The following TUBA1C variants were observed in gnomAD, a reference collection of about 807,000 sequenced individuals.
The protein encoded by TUBA1C is tubulin alpha 1c.
Under a neutral mutation model 34.9 loss-of-function variants are expected in TUBA1C, and 16 were observed. That is an observed-to-expected ratio of 0.46 (90% CI 0.31 to 0.70). The LOEUF (loss-of-function observed/expected upper bound fraction) is 0.70. Among genes scored for constraint, TUBA1C ranks in the 30% least tolerant of loss-of-function variants. The pLI is 0.05. For missense variants in TUBA1C, 329 were observed against 587.3 expected (o/e 0.56, Z 4.55); for synonymous variants, 177 against 215.9 (o/e 0.82, Z 1.58).
chr12:49,244,221 G>T (rs1319633324), intron 1 of TUBA1C, among the ~76,000 whole-genome samples: 1 of 151,422 alleles, frequency 6.6e-6, no homozygotes, highest in East Asian at 1.9e-4. Flanking sequence ...TGAATTTTCA[G>T]CAAGGCCCTA....
chr12:49,270,246 C>G, intron 3 of TUBA1C: 1 of 593,140 alleles, frequency 1.7e-6, no homozygotes, highest in South Asian at 1.9e-5. Context: ...GAGTAGGTAG[C>G]TGACTTCTAC....
At chr12:49,230,512 A>T (rs1253742190) in intron 1 of TUBA1C, among the ~76,000 whole-genome samples, 1 of 152,148 alleles carries the variant, frequency 6.6e-6, no homozygotes, top group African/African-American at 2.4e-5. Flanking sequence ...TATTCCTTAT[A>T]TATGAGATAA....
In TUBA1C at chr12:49,269,475, T is replaced by C. The variant is rs1565650058; in HGVS notation, c.14T>C (p.Ile5Thr). MRECISIHVGQAGVQ... is the reference protein window; with the variant it reads MRECTSIHVGQAGVQ... ...TTCTTCCTCCCACAGCGTGAGTGCA[T>C]CTCCATCCACGTTGGCCAGGCTGGT... The change falls in exon 2 of 4, where the codon ATC (isoleucine) becomes ACC (threonine). Residue 5 changes from isoleucine to threonine, a missense_variant. Coordinates refer to ENST00000301072, the MANE Select transcript of TUBA1C (RefSeq NM_032704.5). The C allele has an allele frequency of 3.1e-6, 5 of 1,614,178 alleles. No individual in the cohort carries two copies. Among genetic ancestry groups the C allele is most frequent in the Non-Finnish European group, 4.2e-6 (5 of 1,180,040 alleles).
intron 1 of TUBA1C, among the ~76,000 whole-genome samples, chr12:49,247,870 C>T (rs966823596): frequency 1.5e-4 from 22 of 149,648 alleles, no homozygotes; most frequent in Non-Finnish European, 8.9e-5. Context: ...ATTGCTTGAC[C>T]GCAGGAGGCA....
intron 1 of TUBA1C, chr12:49,233,476 T>C (rs1942517881): frequency 6.6e-6 from 1 of 152,224 alleles, no homozygotes; most frequent in Admixed American, 6.5e-5. Context: ...GCCCCACTGG[T>C]TCCTTTCAGG....
chr12:49,244,115 A>C (rs1190946479), intron 1 of TUBA1C, among the ~76,000 whole-genome samples: 1 of 148,432 alleles, frequency 6.7e-6, no homozygotes, highest in African/African-American at 2.5e-5. Flanking sequence ...GTGCCACTGC[A>C]CTCCAGCCTT....
chr12:49,239,072 C>T (rs1349819358), intron 1 of TUBA1C, among the ~76,000 whole-genome samples: 6 of 152,282 alleles, frequency 3.9e-5, no homozygotes, highest in Admixed American at 6.5e-5. Flanking sequence ...CCCTGGCAAC[C>T]GGATCCCCAT....
rs375933607 is a variant in TUBA1C, at chr12:49,272,534, C to T, written c.657C>T (p.Ile219=). 178 of 1,608,800 alleles carry T rather than the reference C, an allele frequency of 1.1e-4. No individual in the cohort carries two copies. Among genetic ancestry groups the T allele is most frequent in the Middle Eastern group, 2.1e-4 (1 of 4,710 alleles). ...IYDICRRNLD[I]ERPTYTNLNR... ...ACATCTGTCGTAGAAACCTCGATATCGAGCGCCCAACCTACACTAACCTTA... is the reference window on the plus strand; with the variant it reads ...ACATCTGTCGTAGAAACCTCGATATTGAGCGCCCAACCTACACTAACCTTA... Residue 219 remains isoleucine, a synonymous_variant, in exon 4 of 4, where the codon ATC becomes ATT. Transcript: ENST00000301072.
At chr12:49,264,796 GCCCTTCCTCCCCTTCCTCCCCTTCCTC>G (rs537926254), upstream of TUBA1C, 11,980 of 128,304 alleles carry the variant, frequency 0.093, 933 homozygotes, top group African/African-American at 0.2. Context: ...AGCCCTTCCT[GCCCTTCCTCCCCTTCCTCCCCTTCCTC>G]CCCTTCCTCC....
At chr12:49,241,372 G>T (rs1942613184) in intron 1 of TUBA1C, among the ~76,000 whole-genome samples, 1 of 152,106 alleles carries the variant, frequency 6.6e-6, no homozygotes, top group Admixed American at 6.6e-5. Context: ...ACACTGAGAT[G>T]GGAGGGAAAG....
rs17849882 is a variant in TUBA1C, at chr12:49,269,874, A to G, written c.273A>G (p.Gln91=). The G allele has an allele frequency of 0.015, 24,387 of 1,613,216 alleles. 288 individuals are homozygous for G. Among genetic ancestry groups the G allele is most frequent in the Admixed American group, 0.043 (2,564 of 59,954 alleles). ...GTYRQLFHPE[Q]LITGKEDAAN... is the part of the protein sequence containing the mutation. ...ACCGCCAGCTCTTCCACCCTGAGCA[A>G]CTCATCACAGGCAAGGAAGATGCTG... The change falls in exon 3 of 4, where the codon CAA becomes CAG. Residue 91 remains glutamine, a synonymous_variant. Transcript: ENST00000301072.
Position 49,273,338 on chromosome 12 carries a change from C to G in TUBA1C, c.*111C>G. The G allele has an allele frequency of 1.3e-6, 2 of 1,588,240 alleles. No individual in the cohort carries two copies. Among genetic ancestry groups the G allele is most frequent in the Non-Finnish European group, 1.7e-6 (2 of 1,164,440 alleles). On this transcript the variant is annotated 3_prime_UTR_variant, in exon 4 of 4. Coordinates refer to ENST00000301072, the MANE Select transcript of TUBA1C (RefSeq NM_032704.5). ...AAATTGAAGTTTCCATTTTAAATGT[C>G]GAGCTGACTTAAATACTTGATCCAG... is the stretch of plus-strand genomic sequence containing the variant.
At chr12:49,260,292 G>C (rs536547077), upstream of TUBA1C, among the ~76,000 whole-genome samples, 7 of 152,254 alleles carry the variant, frequency 4.6e-5, no homozygotes, top group East Asian at 1.3e-3. Flanking sequence ...TGGGAATACA[G>C]GTCAAAGGAA....
At position 49,274,449 on chromosome 12, in the gene TUBA1C, A is replaced by G. The variant is rs1943035572; in HGVS notation, c.*1222A>G. 1.3e-5 allele frequency: 2 copies of G among 151,806 alleles called. No individual in the cohort carries two copies. The highest frequency in any genetic ancestry group is 2.4e-5 in the African/African-American group (1 of 41,362). 9.4% of individuals were successfully genotyped at this position (151,806 alleles called of 1,614,324 possible). ...ACCTGGCCCCTAGATACGTTTTTTA[A>G]TAACCTCCCAAATGATGCTGTTGGT... On this transcript the variant is annotated 3_prime_UTR_variant, in exon 4 of 4. Transcript: ENST00000301072.
intron 1 of TUBA1C, among the ~76,000 whole-genome samples, chr12:49,236,773 A>C (rs1215604517): frequency 1.3e-5 from 2 of 152,200 alleles, no homozygotes; most frequent in Non-Finnish European, 2.9e-5. Flanking sequence ...ACTATATAGC[A>C]TGTAACTGTA....
chr12:49,267,075 G>A (rs958263105), intron 1 of TUBA1C, among the ~76,000 whole-genome samples: 1 of 152,156 alleles, frequency 6.6e-6, no homozygotes, highest in African/African-American at 2.4e-5. Context: ...GTTAACACTA[G>A]ACCAATTGAC....
chr12:49,269,850 C>G lies in TUBA1C; in HGVS notation c.249C>G (p.Tyr83Ter). ...TVIDEVRTGTYRQLFHPEQLI... is the reference protein window; with the variant it reads ...TVIDEVRTGT ...CAGATGAAGTTCGCACTGGCACTTA[C>G]CGCCAGCTCTTCCACCCTGAGCAAC... The change falls in exon 3 of 4, where the codon TAC becomes TAG. Residue 83 changes from tyrosine (Y) to a stop codon, truncating the protein, a stop_gained. Coordinates refer to ENST00000301072, the MANE Select transcript of TUBA1C (RefSeq NM_032704.5). LOFTEE classifies it high-confidence loss of function. The G allele has an allele frequency of 1.2e-6, 2 of 1,614,158 alleles. No individual in the cohort carries two copies. Among genetic ancestry groups the G allele is most frequent in the Non-Finnish European group, 1.7e-6 (2 of 1,180,044 alleles).
intron 1 of TUBA1C, among the ~76,000 whole-genome samples, chr12:49,235,708 G>C (rs146570300): frequency 0.042 from 6,354 of 150,756 alleles, 142 homozygotes; most frequent in Middle Eastern, 0.085. Context: ...ACTCCAGCCT[G>C]GGTGACAGGG....
chr12:49,270,018 T>C (rs1401412127), intron 3 of TUBA1C, 42 bp downstream of exon 3: 4 of 1,614,236 alleles, frequency 2.5e-6, no homozygotes, highest in Admixed American at 1.7e-5. Flanking sequence ...AGAGTTTCTT[T>C]TGCAGTTCTG....
Sources: allele counts gnomAD v4.1 joint callset (sites outside exome capture counted in the v4.1 genomes callset), GRCh38; gene constraint gnomAD v4.1.1; transcripts MANE v1.5; gene names NCBI Gene and HGNC (gene_info 2026-07-23, HGNC 2026-07-21).